PLSCR2: variants seen among roughly 807,000 people sequenced by gnomAD.
PLSCR2 encodes the protein PL scramblase 2.
Under a neutral mutation model 25.3 loss-of-function variants are expected in PLSCR2, and 18 were observed. The observed-to-expected ratio is 0.71, with a 90% CI of 0.49 to 1.06. The LOEUF (loss-of-function observed/expected upper bound fraction) is 1.06, where lower values mean the gene tolerates loss of function less well. PLSCR2 is among the 50% of genes least tolerant of loss of function. PLSCR2 has a pLI of 0.00. For missense variants in PLSCR2, 243 were observed against 269.5 expected, an observed-to-expected ratio of 0.90 and a Z score of 0.69; for synonymous variants, 88 against 87.3, an observed-to-expected ratio of 1.01 and a Z score of -0.04.
chr3:146,449,639 TTTTA>T (rs2040781030), intron 5 of PLSCR2, among the ~76,000 whole-genome samples: 1 of 152,144 alleles, frequency 6.6e-6, no homozygotes, highest in Non-Finnish European at 1.5e-5. Flanking sequence ...TTAATATATG[TTTTA>T]TTTATTTGAA....
At chr3:146,481,664 T>G (rs1201954221) in intron 1 of PLSCR2, among the ~76,000 whole-genome samples, 1 of 152,146 alleles carries the variant, frequency 6.6e-6, no homozygotes, top group Non-Finnish European at 1.5e-5. Flanking sequence ...CCAAGGTAAT[T>G]TATAGATTCA....
chr3:146,487,376 GTC>G (rs1421776870), intron 1 of PLSCR2, among the ~76,000 whole-genome samples: 1 of 152,104 alleles, frequency 6.6e-6, no homozygotes, highest in Non-Finnish European at 1.5e-5. Flanking sequence ...AAGTCAAATT[GTC>G]TCTGTTTGCA....
intron 2 of PLSCR2, among the ~76,000 whole-genome samples, chr3:146,410,888 C>A (rs1004045731): frequency 2.0e-5 from 3 of 152,150 alleles, no homozygotes; most frequent in Non-Finnish European, 4.4e-5. Flanking sequence ...CATTGGCAGG[C>A]CAGTATAAAC....
exon 6 of PLSCR2, chr3:146,449,363 G>A: frequency 6.7e-7 from 1 of 1,495,636 alleles, no homozygotes; most frequent in Non-Finnish European, 9.1e-7. Context: ...ATCAAGAGAT[G>A]TAATCTAAAT....
chr3:146,469,625 G>A (rs559609768), intron 1 of PLSCR2, 64 bp from the exon 1 acceptor site: 1 of 953,582 alleles, frequency 1.0e-6, no homozygotes, highest in East Asian at 1.2e-4. Flanking sequence ...AAAGGGGCCT[G>A]GACCAGCCTC....
chr3:146,480,153 A>G (rs1032852987), intron 1 of PLSCR2, among the ~76,000 whole-genome samples: 1 of 152,216 alleles, frequency 6.6e-6, no homozygotes, highest in Non-Finnish European at 1.5e-5. Context: ...TAAAATTAAC[A>G]CGCTAACATC....
At chr3:146,463,778 A>T, upstream of PLSCR2, 1 of 624,536 alleles carries the variant, frequency 1.6e-6, no homozygotes. Flanking sequence ...AAGTCAACTG[A>T]TCCCTCCACA....
At chr3:146,431,237 G>A (rs1414967312), downstream of PLSCR2, among the ~76,000 whole-genome samples, 2 of 152,134 alleles carry the variant, frequency 1.3e-5, no homozygotes, top group African/African-American at 4.8e-5. Context: ...GCCACTTAAG[G>A]CAAGGGGCCA....
chr3:146,443,330 GAGT>G (rs1364158806), intron 6 of PLSCR2, among the ~76,000 whole-genome samples: 1 of 151,960 alleles, frequency 6.6e-6, no homozygotes, highest in Non-Finnish European at 1.5e-5. Context: ...TCAGTAGCTT[GAGT>G]AGGATTGGTA....
chr3:146,483,446 C>T (rs4277655), intron 1 of PLSCR2, among the ~76,000 whole-genome samples: 63 of 41,398 alleles, frequency 1.5e-3, no homozygotes, highest in Middle Eastern at 0.032. Flanking sequence ...TATATATACA[C>T]ATGTATGTAT....
chr3:146,463,344 A>AT (rs973147766), upstream of PLSCR2, among the ~76,000 whole-genome samples: 3 of 151,690 alleles, frequency 2.0e-5, no homozygotes, highest in Non-Finnish European at 2.9e-5. Context: ...GCCCGGAATA[A>AT]TTTTTTTTGT....
intron 2 of PLSCR2, among the ~76,000 whole-genome samples, chr3:146,401,735 G>A (rs1226443541): frequency 6.6e-6 from 1 of 151,940 alleles, no homozygotes; most frequent in South Asian, 2.1e-4. Flanking sequence ...ATGAGAGATA[G>A]GCTAGGTACT....
intron 6 of PLSCR2, among the ~76,000 whole-genome samples, chr3:146,442,346 T>C (rs926630659): frequency 2.6e-5 from 4 of 152,142 alleles, no homozygotes; most frequent in Non-Finnish European, 5.9e-5. Context: ...TCTGTGTTTC[T>C]GGATTAGAAT....
intron 5 of PLSCR2, among the ~76,000 whole-genome samples, 169 bp downstream of exon 5, chr3:146,453,833 C>T (rs927161532): frequency 5.3e-5 from 8 of 152,066 alleles, no homozygotes; most frequent in African/African-American, 1.9e-4. Context: ...TCAATATTGA[C>T]CTTTAGTCAG....
At chr3:146,443,206 C>T (rs2040350119) in intron 6 of PLSCR2, among the ~76,000 whole-genome samples, 1 of 152,040 alleles carries the variant, frequency 6.6e-6, no homozygotes. Flanking sequence ...CAATGTTCAT[C>T]AGGCATATTA....
chr3:146,486,089 G>T (rs2043329603), intron 1 of PLSCR2, among the ~76,000 whole-genome samples: 1 of 152,114 alleles, frequency 6.6e-6, no homozygotes, highest in African/African-American at 2.4e-5. Context: ...ATGAAATTAA[G>T]GCAGAAATCA....
chr3:146,460,129 C>T, intron 1 of PLSCR2, 46 bp from the exon 2 acceptor site: 1 of 1,423,318 alleles, frequency 7.0e-7, no homozygotes, highest in Non-Finnish European at 9.3e-7. Flanking sequence ...CCAGAAAAGT[C>T]ATCAATCCTT....
intron 2 of PLSCR2, among the ~76,000 whole-genome samples, chr3:146,415,322 T>C (rs747068101): frequency 6.6e-6 from 1 of 152,134 alleles, no homozygotes; most frequent in Non-Finnish European, 1.5e-5. Flanking sequence ...TTGTATATCA[T>C]AGTAGTCTAA....
chr3:146,405,816 CTTGTTTTTG>C (rs1404847112), intron 2 of PLSCR2, among the ~76,000 whole-genome samples: 2 of 152,044 alleles, frequency 1.3e-5, no homozygotes, highest in Non-Finnish European at 2.9e-5. Flanking sequence ...ATGTTATTTT[CTTGTTTTTG>C]TTGGCGCTTA....
Sources: allele counts gnomAD v4.1 joint callset (sites outside exome capture counted in the v4.1 genomes callset), GRCh38; gene constraint gnomAD v4.1.1; transcripts MANE v1.5; gene names NCBI Gene and HGNC (gene_info 2026-07-23, HGNC 2026-07-21).